DCC: variants seen among roughly 807,000 people sequenced by gnomAD.
The protein encoded by DCC is DCC netrin 1 receptor, also known as netrin receptor DCC.
In DCC, 58 loss-of-function variants were observed where a neutral mutation model predicts 172.5. The observed-to-expected ratio is 0.34, with a 90% CI of 0.27 to 0.42. The LOEUF (loss-of-function observed/expected upper bound fraction) is 0.42, where lower values mean the gene tolerates loss of function less well. Ranked by LOEUF, DCC falls within the 10% of genes least tolerant of loss-of-function variation. DCC has a pLI of 1.00. For missense variants in DCC, 1,740 were observed against 1,791.0 expected (o/e 0.97, Z 0.51); for synonymous variants, 709 against 644.5 (o/e 1.10, Z -1.52).
At chr18:53,209,378 G>A (rs2055710465) in intron 11 of DCC, among the ~76,000 whole-genome samples, 1 of 152,054 alleles carries the variant, frequency 6.6e-6, no homozygotes, top group African/African-American at 2.4e-5. Flanking sequence ...TATTAAAAAA[G>A]GCCACAAGCT....
At chr18:53,465,582 G>A (rs576292767) in intron 24 of DCC, among the ~76,000 whole-genome samples, 13 of 151,986 alleles carry the variant, frequency 8.6e-5, no homozygotes, top group South Asian at 6.2e-4. Flanking sequence ...TATCCTGTTC[G>A]GGGATTACTG....
chr18:52,789,733 G>A (rs989881215), intron 2 of DCC, among the ~76,000 whole-genome samples: 1 of 152,120 alleles, frequency 6.6e-6, no homozygotes, highest in African/African-American at 2.4e-5. Context: ...AAGGAGATCT[G>A]ACCCAAACAA....
At chr18:53,250,478 C>G (rs1440277592) in intron 12 of DCC, among the ~76,000 whole-genome samples, 1 of 151,824 alleles carries the variant, frequency 6.6e-6, no homozygotes, top group Non-Finnish European at 1.5e-5. Context: ...TTTACTATAC[C>G]TAGGGTCCCT....
At chr18:52,925,734 G>A (rs2040191428) in intron 5 of DCC, among the ~76,000 whole-genome samples, 2 of 151,862 alleles carry the variant, frequency 1.3e-5, no homozygotes, top group Admixed American at 6.6e-5. Flanking sequence ...GGGGAAAAAG[G>A]CAGATGTTAT....
chr18:52,466,719 A>G (rs1488173742), intron 1 of DCC, among the ~76,000 whole-genome samples: 1 of 152,088 alleles, frequency 6.6e-6, no homozygotes, highest in Non-Finnish European at 1.5e-5. Context: ...ACTACATGTA[A>G]TTTTCTGCAG....
At chr18:52,853,411 G>A (rs1017048778) in intron 2 of DCC, among the ~76,000 whole-genome samples, 5 of 152,340 alleles carry the variant, frequency 3.3e-5, no homozygotes, top group Admixed American at 6.5e-5. Flanking sequence ...ACAATACAGC[G>A]TATTGACCAA....
At chr18:52,352,408 G>C (rs897870656) in intron 1 of DCC, among the ~76,000 whole-genome samples, 1 of 152,138 alleles carries the variant, frequency 6.6e-6, no homozygotes, top group African/African-American at 2.4e-5. Context: ...AGTGGACCCT[G>C]GTCCCATGCC....
At chr18:53,397,519 G>T (rs1909030058) in intron 18 of DCC, 73 bp downstream of exon 18, 1 of 1,510,098 alleles carries the variant, frequency 6.6e-7, no homozygotes, top group Non-Finnish European at 9.2e-7. Flanking sequence ...TAGAACATGT[G>T]TTCCCTATGG....
chr18:53,292,496 G>C (rs970161487), intron 12 of DCC, among the ~76,000 whole-genome samples: 1 of 152,132 alleles, frequency 6.6e-6, no homozygotes, highest in Non-Finnish European at 1.5e-5. Context: ...AGACCAGCCT[G>C]CCCAAAATGG....
intron 1 of DCC, among the ~76,000 whole-genome samples, chr18:52,350,673 T>A (rs1984080282): frequency 6.6e-6 from 1 of 152,150 alleles, no homozygotes; most frequent in Admixed American, 6.5e-5. Context: ...TTTAAAAAAC[T>A]CATAATATAT....
chr18:53,161,144 T>C (rs1047587363), intron 8 of DCC, among the ~76,000 whole-genome samples: 6 of 152,240 alleles, frequency 3.9e-5, no homozygotes, highest in African/African-American at 1.2e-4. Context: ...CATAGGAATA[T>C]TCCTTGAATT....
At chr18:53,371,176 A>C (rs2058057159) in intron 15 of DCC, among the ~76,000 whole-genome samples, 1 of 151,870 alleles carries the variant, frequency 6.6e-6, no homozygotes, top group Non-Finnish European at 1.5e-5. Flanking sequence ...GTAACATTTC[A>C]GGGTATCTTT....
intron 14 of DCC, among the ~76,000 whole-genome samples, chr18:53,338,759 T>C (rs779537065): frequency 6.6e-6 from 1 of 152,206 alleles, no homozygotes; most frequent in Non-Finnish European, 1.5e-5. Context: ...AGAAAATATA[T>C]GTCAGGGTGG....
chr18:53,012,272 T>C (rs1340222922), intron 5 of DCC, among the ~76,000 whole-genome samples: 1 of 151,902 alleles, frequency 6.6e-6, no homozygotes, highest in Non-Finnish European at 1.5e-5. Context: ...GTAGCAAAAA[T>C]CTGGAAACAA....
chr18:53,283,823 G>A (rs940508133), intron 12 of DCC, among the ~76,000 whole-genome samples: 3 of 152,062 alleles, frequency 2.0e-5, no homozygotes, highest in African/African-American at 7.2e-5. Context: ...ATGAACTCTG[G>A]TATGACTTTG....
At chr18:52,717,568 T>A (rs2036405386) in intron 1 of DCC, among the ~76,000 whole-genome samples, 1 of 151,610 alleles carries the variant, frequency 6.6e-6, no homozygotes, top group African/African-American at 2.4e-5. Flanking sequence ...ACACAAGCAG[T>A]GAACAGTCAT....
chr18:53,253,462 A>T (rs902096089), intron 12 of DCC, among the ~76,000 whole-genome samples: 1 of 152,068 alleles, frequency 6.6e-6, no homozygotes, highest in Non-Finnish European at 1.5e-5. Flanking sequence ...CACAGCTTCA[A>T]TTAAAGGTGA....
At chr18:52,840,709 G>A (rs17386683) in intron 2 of DCC, among the ~76,000 whole-genome samples, 4,363 of 152,238 alleles carry the variant, frequency 0.029, 70 homozygotes, top group African/African-American at 0.039. Flanking sequence ...TCTGGCTATC[G>A]CAAGTAGAAC....
At chr18:53,469,131 CATCCCCTTCGTGTCCTCATTT>C (rs2045664301) in intron 25 of DCC, among the ~76,000 whole-genome samples, 1 of 152,196 alleles carries the variant, frequency 6.6e-6, no homozygotes, top group African/African-American at 2.4e-5. Flanking sequence ...TCCCATCCCT[CATCCCCTTCGTGTCCTCATTT>C]ATCTGCAAGC....
Sources: gnomAD v4.1 joint callset for allele counts (sites outside exome capture counted in the v4.1 genomes callset) on GRCh38, gnomAD v4.1.1 for gene constraint, MANE v1.5 for transcripts, NCBI Gene and HGNC (gene_info 2026-07-23, HGNC 2026-07-21) for gene names.